The following DENND2B variants were observed in gnomAD, a reference collection of about 807,000 sequenced individuals.
DENND2B encodes the protein DENN domain containing 2B.
DENND2B carries 32 observed loss-of-function variants against 116.0 expected under a neutral mutation model. The observed-to-expected ratio is 0.28, with a 90% CI of 0.21 to 0.37. The LOEUF is 0.37. DENND2B is among the 10% of genes least tolerant of loss of function. The pLI is 1.00. For synonymous variants in DENND2B, 588 were observed against 583.9 expected, an observed-to-expected ratio of 1.01 and a Z score of -0.10; for missense variants, 1,276 against 1,477.7, an observed-to-expected ratio of 0.86 and a Z score of 2.24.
chr11:8,770,370 G>A (rs2056643703), intron 1 of DENND2B, among the ~76,000 whole-genome samples: 1 of 152,188 alleles, frequency 6.6e-6, no homozygotes, highest in South Asian at 2.1e-4. Context: ...GTAGAACCAA[G>A]TCCAGAATTG....
rs553632685 is a variant in DENND2B at position 8,702,499 on chromosome 11, T to C, written c.2720+73A>G. The stretch of plus-strand genomic sequence containing the variant: ...GGTCTCCGGCGCCTGCTTAGGCTCC[T>C]GAACACTTGCTGATTCGCTTGTGGG... On this transcript the variant is annotated intron_variant, in intron 14 of 19. Transcript: ENST00000313726. This position sits in a 1 kb window ranked among gnomAD's most constrained non-coding sequence, Gnocchi z 4.6. 2 of 1,595,160 alleles carry C rather than the reference T, an allele frequency of 1.3e-6. No homozygotes were observed. The highest frequency in any genetic ancestry group is 1.3e-5 in the African/African-American group (1 of 74,716).
chr11:8,710,992 T>C, intron 10 of DENND2B, 78 bp from the exon 11 acceptor site: 1 of 1,588,810 alleles, frequency 6.3e-7, no homozygotes, highest in Non-Finnish European at 8.6e-7. Flanking sequence ...GGACCGTCAT[T>C]TTCACGTGGG....
intron 2 of DENND2B, among the ~76,000 whole-genome samples, chr11:8,861,157 G>A (rs1029557316): frequency 1.3e-5 from 2 of 151,920 alleles, no homozygotes; most frequent in Non-Finnish European, 2.9e-5. Context: ...CCCCAAAAGC[G>A]AATGTAACAA....
chr11:8,815,201 A>C (rs3862353), upstream of DENND2B, among the ~76,000 whole-genome samples: 145,398 of 152,132 alleles, frequency 0.96, 69,837 homozygotes, highest in East Asian at 1. Context: ...ATGGTGCAAG[A>C]CACTGTGCTT....
chr11:8,832,118 T>A (rs2062232029), intron 4 of DENND2B, among the ~76,000 whole-genome samples: 1 of 151,656 alleles, frequency 6.6e-6, no homozygotes. Context: ...CCTTCCAGAG[T>A]GACAGCGAGA....
chr11:8,712,369 C>T lies in DENND2B; in HGVS notation c.2172+182G>A, dbSNP rs546088812. ...TCCTCATCCTTTGAACAAGCACTGG[C>T]CCAAACCCACCCCCGCTGCAGCCCT... On this transcript the variant is annotated intron_variant, in intron 9 of 19. Transcript: ENST00000313726. This position sits in a 1 kb window ranked among gnomAD's most constrained non-coding sequence, Gnocchi z 4.4. Among the ~76,000 whole-genome samples, 299 of 152,306 alleles carry T rather than the reference C, an allele frequency of 2.0e-3. 1 individual carries two copies. Among genetic ancestry groups the T allele is most frequent in the Non-Finnish European group, 3.6e-3 (242 of 68,034 alleles).
intron 3 of DENND2B, 161 bp from the exon 4 acceptor site, chr11:8,726,370 C>T (rs750869774): frequency 1.1e-6 from 1 of 938,186 alleles, no homozygotes; most frequent in Non-Finnish European, 1.5e-6. Context: ...AATGAAGAGA[C>T]AGATGGTCTG....
intron 13 of DENND2B, among the ~76,000 whole-genome samples, chr11:8,706,838 A>G (rs908448521): frequency 5.9e-5 from 9 of 152,204 alleles, no homozygotes; most frequent in Non-Finnish European, 8.8e-5. Flanking sequence ...TGAATGAACA[A>G]AAGGAAGGCA....
chr11:8,863,529 G>T (rs147102836), intron 2 of DENND2B, among the ~76,000 whole-genome samples: 1 of 151,974 alleles, frequency 6.6e-6, no homozygotes. Flanking sequence ...CACTGCGCCC[G>T]GCCTGCCTCT....
chr11:8,707,161 C>A lies in DENND2B; in HGVS notation c.2495G>T (p.Ser832Ile). The change falls in exon 13 of 20, where the codon AGT (serine) becomes ATT (isoleucine). Residue 832 changes from serine (S) to isoleucine (I), a missense_variant. This residue lies in a region of DENND2B where 420 missense variants were observed against 631.1 expected (regional missense o/e 0.67). Coordinates refer to ENST00000313726, the MANE Select transcript of DENND2B (RefSeq NM_213618.2). This position sits in a 1 kb window ranked among gnomAD's most constrained non-coding sequence, Gnocchi z 4.8. The part of the protein sequence containing the change: ...SAALVYPFMR[S>I]LMESPFPAPG... ...GGCTGGGAAGGGCGACTCCATGAGA[C>A]TTCTCATGAAAGGATAGACCAATGC... The A allele has an allele frequency of 6.2e-7, 1 of 1,613,784 alleles. No individual in the cohort carries two copies. The highest frequency in any genetic ancestry group is 1.1e-5 in the South Asian group (1 of 90,952).
At chr11:8,898,295 G>A (rs2064126782) in intron 1 of DENND2B, among the ~76,000 whole-genome samples, 1 of 152,136 alleles carries the variant, frequency 6.6e-6, no homozygotes, top group African/African-American at 2.4e-5. Context: ...AAGAGGCTGA[G>A]GAGGGACAAC....
At chr11:8,713,529 G>A (rs1377736861) in intron 8 of DENND2B, among the ~76,000 whole-genome samples, 5 of 152,148 alleles carry the variant, frequency 3.3e-5, no homozygotes, top group East Asian at 1.9e-4. Flanking sequence ...ACACGCGCCC[G>A]CCACCGTGCC....
chr11:8,811,299 G>C (rs2061362714), upstream of DENND2B: 16 of 398,614 alleles, frequency 4.0e-5, no homozygotes, highest in East Asian at 5.7e-4. Context: ...AGGGACTCAT[G>C]GTACTAGTGG....
chr11:8,782,886 C>CAAAAAAAAA (rs66930048), intron 1 of DENND2B, among the ~76,000 whole-genome samples: 3 of 98,888 alleles, frequency 3.0e-5, no homozygotes, highest in Admixed American at 1.0e-4. Context: ...GACTCTGTCT[C>CAAAAAAAAA]AAAAAAAAAA....
chr11:8,751,689 G>A (rs2052535620), intron 1 of DENND2B, among the ~76,000 whole-genome samples: 1 of 152,086 alleles, frequency 6.6e-6, no homozygotes, highest in Admixed American at 6.6e-5. Flanking sequence ...TGAAGTCAGT[G>A]AGACCAAGAA....
intron 1 of DENND2B, among the ~76,000 whole-genome samples, chr11:8,901,739 C>T (rs755744198): frequency 5.9e-4 from 90 of 152,074 alleles, no homozygotes; most frequent in Non-Finnish European, 1.6e-4. Context: ...TTTACCTATG[C>T]GTTGTTTAAT....
intron 17 of DENND2B, 57 bp from the exon 18 acceptor site, chr11:8,696,723 C>G (rs1002492840): frequency 6.3e-7 from 1 of 1,595,000 alleles, no homozygotes; most frequent in Non-Finnish European, 8.6e-7. Flanking sequence ...AAGCCTTCCT[C>G]AATCTTCCTG....
upstream of DENND2B, among the ~76,000 whole-genome samples, chr11:8,872,435 C>T (rs911313510): frequency 6.9e-6 from 1 of 144,822 alleles, no homozygotes; most frequent in Non-Finnish European, 1.5e-5. Flanking sequence ...TGCAGTAAGC[C>T]AAGATCGCAC....
At chr11:8,758,433 G>C (rs904127956) in intron 1 of DENND2B, among the ~76,000 whole-genome samples, 4 of 152,078 alleles carry the variant, frequency 2.6e-5, no homozygotes, top group African/African-American at 9.7e-5. Context: ...CCTGTATTTT[G>C]AAATTACTCT....
Sources: gnomAD v4.1 joint callset for allele counts (sites outside exome capture counted in the v4.1 genomes callset) on GRCh38, gnomAD v4.1.1 for gene constraint, gnomAD v4.1.1 regional missense constraint, Gnocchi (gnomAD v3.1) non-coding constraint, MANE v1.5 for transcripts, NCBI Gene and HGNC (gene_info 2026-07-23, HGNC 2026-07-21) for gene names.